Variants in SMAP1 observed in about 807,000 individuals in gnomAD.
The protein encoded by SMAP1 is small ArfGAP 1, also known as stromal membrane-associated protein 1.
SMAP1 carries 24 observed loss-of-function variants against 58.5 expected under a neutral mutation model. That is an observed-to-expected ratio of 0.41 (90% CI 0.30 to 0.58). The LOEUF is 0.58. Among genes scored for constraint, SMAP1 ranks in the 20% least tolerant of loss-of-function variants. SMAP1 has a pLI of 0.29. For missense variants in SMAP1, 563 were observed against 566.3 expected (o/e 0.99, Z 0.06); for synonymous variants, 216 against 196.6 (o/e 1.10, Z -0.82).
rs193185137 is a variant in SMAP1 at position 70,788,272 on chromosome 6, G to C, written c.415-3417G>C. 4.7e-3 allele frequency among the ~76,000 whole-genome samples: 657 copies of C among 140,188 alleles called. 4 individuals carry two copies. The highest frequency in any genetic ancestry group is 0.017 in the African/African-American group (629 of 37,370). The allele number at this position is 140,188 out of a possible 152,430, so 92.0% of individuals were successfully genotyped here. ...CGATGAGAACACATGGACACAGGAA[G>C]GGGAACATCACACTCTGGGGACTGT... On this transcript the variant is annotated intron_variant, in intron 4 of 10. Transcript: ENST00000370455.
At chr6:70,825,630 G>A (rs1327870582) in intron 6 of SMAP1, among the ~76,000 whole-genome samples, 7 of 152,144 alleles carry the variant, frequency 4.6e-5, no homozygotes, top group Non-Finnish European at 8.8e-5. Flanking sequence ...GCTTACCATT[G>A]TCAAGAGAGG....
chr6:70,831,675 C>T (rs1770364412), intron 6 of SMAP1, among the ~76,000 whole-genome samples: 1 of 152,076 alleles, frequency 6.6e-6, no homozygotes, highest in African/African-American at 2.4e-5. Flanking sequence ...TGTTGATGGG[C>T]ATTTAGGTTG....
At chr6:70,676,021 T>C (rs1002364406) in intron 1 of SMAP1, among the ~76,000 whole-genome samples, 7 of 152,336 alleles carry the variant, frequency 4.6e-5, no homozygotes, top group Middle Eastern at 3.4e-3. Flanking sequence ...CTGATGAGCA[T>C]CCCTGGTTGG....
intron 1 of SMAP1, among the ~76,000 whole-genome samples, chr6:70,712,471 A>G (rs1768092979): frequency 6.6e-6 from 1 of 151,830 alleles, no homozygotes. Context: ...GTTTGGAAAT[A>G]CTCCCTCTAC....
chr6:70,692,923 A>G (rs1219596400), intron 1 of SMAP1, among the ~76,000 whole-genome samples: 2 of 152,048 alleles, frequency 1.3e-5, no homozygotes, highest in Non-Finnish European at 2.9e-5. Context: ...AGCTGGGACT[A>G]CAGGTGCCCA....
intron 3 of SMAP1, chr6:70,760,005 A>G (rs1766683822): frequency 3.6e-6 from 1 of 276,882 alleles, no homozygotes; most frequent in Non-Finnish European, 7.5e-6. Flanking sequence ...GAAGGATGAG[A>G]TGCTCAAAGA....
At chr6:70,735,165 G>C (rs1004499212) in intron 2 of SMAP1, among the ~76,000 whole-genome samples, 2 of 152,114 alleles carry the variant, frequency 1.3e-5, no homozygotes, top group Admixed American at 6.5e-5. Context: ...ATTACAGAGA[G>C]AACAGTTCAC....
intron 6 of SMAP1, among the ~76,000 whole-genome samples, chr6:70,823,356 C>T (rs1769976850): frequency 6.6e-6 from 1 of 152,246 alleles, no homozygotes; most frequent in African/African-American, 2.4e-5. Context: ...TGCCTCTATC[C>T]TGCACCCCTT....
chr6:70,776,178 C>CTTCTTT (rs1767538743), intron 4 of SMAP1, among the ~76,000 whole-genome samples: 1 of 151,920 alleles, frequency 6.6e-6, no homozygotes, highest in African/African-American at 2.4e-5. Context: ...TTTATCATTT[C>CTTCTTT]TTCTTTTTCT....
intron 1 of SMAP1, among the ~76,000 whole-genome samples, chr6:70,704,361 A>G (rs1767752775): frequency 6.6e-6 from 1 of 152,230 alleles, no homozygotes; most frequent in Non-Finnish European, 1.5e-5. Flanking sequence ...TGAAGTCTGA[A>G]TCAACTTATA....
chr6:70,787,693 G>T (rs1470292426), intron 4 of SMAP1, among the ~76,000 whole-genome samples: 1 of 151,660 alleles, frequency 6.6e-6, no homozygotes, highest in African/African-American at 2.4e-5. Context: ...AAAAACACAT[G>T]AAAAAATGCT....
chr6:70,725,093 G>GTTTTTTTTTTTTTTTTTTTTTTTTTT (rs745587315), intron 1 of SMAP1, among the ~76,000 whole-genome samples: 2 of 47,778 alleles, frequency 4.2e-5, no homozygotes, highest in Admixed American at 3.6e-4. Flanking sequence ...ATTAACCAGT[G>GTTTTTTTTTTTTTTTTTTTTTTTTTT]TTTTTTTTTT....
intron 2 of SMAP1, among the ~76,000 whole-genome samples, chr6:70,747,700 G>A (rs931144152): frequency 1.3e-5 from 2 of 152,110 alleles, no homozygotes; most frequent in African/African-American, 2.4e-5. Context: ...TTTATTCCTG[G>A]ACTTTAAGTG....
At chr6:70,710,413 CCCGAGATTGCGTAGGTTGCAGTGAG>C (rs572794101) in intron 1 of SMAP1, among the ~76,000 whole-genome samples, 115 of 147,636 alleles carry the variant, frequency 7.8e-4, no homozygotes, top group African/African-American at 2.9e-3. Flanking sequence ...ATCGCTTGAA[CCCGAGATTGCGTAGGTTGCAGTGAG>C]CCGAGATTGC....
chr6:70,768,471 A>T (rs543452500), intron 3 of SMAP1, among the ~76,000 whole-genome samples: 1 of 152,228 alleles, frequency 6.6e-6, no homozygotes, highest in African/African-American at 2.4e-5. Context: ...TTCCTGGTTT[A>T]GTCTTGGGAG....
chr6:70,814,360 A>T (rs777765678), intron 6 of SMAP1, among the ~76,000 whole-genome samples: 9 of 152,204 alleles, frequency 5.9e-5, no homozygotes, highest in Non-Finnish European at 7.4e-5. Flanking sequence ...ATCACTTCAT[A>T]GTTACCTGAT....
intron 1 of SMAP1, among the ~76,000 whole-genome samples, chr6:70,676,156 C>T (rs1420597199): frequency 6.6e-6 from 1 of 152,176 alleles, no homozygotes; most frequent in East Asian, 1.9e-4. Flanking sequence ...GTGCCTTTCT[C>T]CTTTGCTGAT....
chr6:70,697,329 A>T (rs564957277), intron 1 of SMAP1, among the ~76,000 whole-genome samples: 1 of 150,458 alleles, frequency 6.6e-6, no homozygotes, highest in Non-Finnish European at 1.5e-5. Context: ...TTTTGAGACA[A>T]GAGTCTCACA....
chr6:70,739,981 TTA>T (rs939267625), intron 2 of SMAP1, among the ~76,000 whole-genome samples: 3 of 152,168 alleles, frequency 2.0e-5, no homozygotes, highest in African/African-American at 7.2e-5. Flanking sequence ...GTCTTTAATT[TTA>T]TATGTTTTTT....
Sources: allele counts gnomAD v4.1 joint callset (sites outside exome capture counted in the v4.1 genomes callset), GRCh38; gene constraint gnomAD v4.1.1; transcripts MANE v1.5; gene names NCBI Gene and HGNC (gene_info 2026-07-23, HGNC 2026-07-21).